TOM1L2: variants seen among roughly 807,000 people sequenced by gnomAD.
The protein encoded by TOM1L2 is target of myb1 like 2 membrane trafficking protein.
A neutral mutation model predicts 67.9 loss-of-function variants in TOM1L2; 31 were observed. The observed-to-expected ratio is 0.46, with a 90% CI of 0.34 to 0.62. TOM1L2 has a LOEUF of 0.62. Ranked by LOEUF, TOM1L2 falls within the 20% of genes least tolerant of loss-of-function variation. The probability of loss-of-function intolerance (pLI) is 0.01; values close to 1 mark genes in which losing one functional copy is unlikely to be tolerated. For missense variants in TOM1L2, 606 were observed against 663.5 expected (o/e 0.91, Z 0.95); for synonymous variants, 256 against 254.0 (o/e 1.01, Z -0.07).
At chr17:17,885,220 C>T (rs1315802697) in intron 4 of TOM1L2, among the ~76,000 whole-genome samples, 6 of 152,200 alleles carry the variant, frequency 3.9e-5, no homozygotes, top group South Asian at 2.1e-4. Context: ...AGTTGGGAAC[C>T]GGCAACAAAT....
At chr17:17,879,021 G>T (rs887312891) in intron 7 of TOM1L2, among the ~76,000 whole-genome samples, 36 of 152,196 alleles carry the variant, frequency 2.4e-4, no homozygotes, top group African/African-American at 8.4e-4. Context: ...CAGATCCATG[G>T]GCTGTCCAGA....
intron 4 of TOM1L2, among the ~76,000 whole-genome samples, chr17:17,893,440 A>C (rs2038393750): frequency 6.6e-6 from 1 of 152,256 alleles, no homozygotes; most frequent in Non-Finnish European, 1.5e-5. Context: ...GATGGCACCC[A>C]GAAAGCTTCA....
chr17:17,909,500 C>A (rs1483808250), intron 1 of TOM1L2, among the ~76,000 whole-genome samples: 1 of 140,632 alleles, frequency 7.1e-6, no homozygotes, highest in East Asian at 2.2e-4. Flanking sequence ...TTCACCAAGA[C>A]AAATACTAGA....
intron 12 of TOM1L2, 33 bp from the exon 13 acceptor site, chr17:17,850,985 C>T (rs746882159): frequency 4.3e-6 from 7 of 1,612,240 alleles, no homozygotes; most frequent in Non-Finnish European, 4.2e-6. Context: ...GCCAGGCAGC[C>T]CCCACACAGC....
intron 8 of TOM1L2, chr17:17,868,917 A>G (rs1273699580): frequency 6.1e-6 from 1 of 164,346 alleles, no homozygotes; most frequent in African/African-American, 2.4e-5. Context: ...CTTTTTTTTT[A>G]AGATGGGAAA....
intron 7 of TOM1L2, among the ~76,000 whole-genome samples, chr17:17,872,991 G>A (rs1398331447): frequency 6.6e-6 from 1 of 152,186 alleles, no homozygotes; most frequent in Admixed American, 6.5e-5. Flanking sequence ...AGAAGACTGG[G>A]GTATCAGCAC....
intron 5 of TOM1L2, among the ~76,000 whole-genome samples, chr17:17,883,245 A>G (rs553429875): frequency 6.6e-6 from 1 of 152,258 alleles, no homozygotes; most frequent in African/African-American, 2.4e-5. Context: ...ACTTGGTACC[A>G]TAAGAATTAC....
intron 1 of TOM1L2, among the ~76,000 whole-genome samples, chr17:17,963,991 G>A (rs572912279): frequency 5.9e-5 from 9 of 152,306 alleles, no homozygotes; most frequent in African/African-American, 1.9e-4. Flanking sequence ...GATATGGATA[G>A]CAAGCACTGT....
At chr17:17,889,849 C>T (rs1261176563) in intron 4 of TOM1L2, among the ~76,000 whole-genome samples, 3 of 152,200 alleles carry the variant, frequency 2.0e-5, no homozygotes, top group African/African-American at 4.8e-5. Flanking sequence ...CAGGACTGAC[C>T]CTGTCCCACT....
intron 1 of TOM1L2, among the ~76,000 whole-genome samples, chr17:17,970,310 C>T (rs957526430): frequency 5.3e-5 from 8 of 152,100 alleles, no homozygotes; most frequent in African/African-American, 4.8e-5. Flanking sequence ...GTGATCCGCC[C>T]GCCTCAACCT....
Position 17,919,662 on chromosome 17 carries a change from C to T in TOM1L2, c.53-12131G>A, listed in dbSNP as rs180882891. On this transcript the variant is annotated intron_variant, in intron 1 of 14. Coordinates refer to ENST00000379504, the MANE Select transcript of TOM1L2 (RefSeq NM_001082968.2). ...GTGGGGCATGGGGGAGGAGGGGCCA[C>T]GGTGTTGTTGCAAGTTCCCTATGGG... Among the ~76,000 whole-genome samples, 469 of 152,304 alleles carry T rather than the reference C, an allele frequency of 3.1e-3. 1 individual carries two copies. Among genetic ancestry groups the T allele is most frequent in the African/African-American group, 0.01 (435 of 41,546 alleles).
intron 2 of TOM1L2, among the ~76,000 whole-genome samples, chr17:17,904,368 A>G (rs1346531224): frequency 2.0e-5 from 3 of 152,196 alleles, no homozygotes; most frequent in Non-Finnish European, 2.9e-5. Context: ...GAGATATTTG[A>G]GCAATTCACT....
Position 17,856,357 on chromosome 17 carries a change from C to T in TOM1L2, c.1278+5119G>A, listed in dbSNP as rs114053937. On this transcript the variant is annotated intron_variant, in intron 12 of 14. Coordinates refer to ENST00000379504, the MANE Select transcript of TOM1L2 (RefSeq NM_001082968.2). ...GTCTAGTGGAGGAACTGCCTTCTCA[C>T]GCAGAGCAGCAGTATGCTGCTACTA... is the stretch of plus-strand genomic sequence containing the variant. Among the ~76,000 whole-genome samples the T allele has an allele frequency of 7.0e-3, 1,060 of 152,378 alleles. 15 individuals carry two copies. Among genetic ancestry groups the T allele is most frequent in the African/African-American group, 0.024 (978 of 41,592 alleles).
intron 1 of TOM1L2, among the ~76,000 whole-genome samples, chr17:17,962,560 C>T (rs1020388808): frequency 2.5e-4 from 38 of 152,058 alleles, no homozygotes; most frequent in Non-Finnish European, 2.4e-4. Flanking sequence ...GCAATCCACC[C>T]GCCTCGGCCT....
In TOM1L2 at chr17:17,866,383, G is replaced by C; in HGVS notation, c.997C>G (p.Leu333Val). The C allele has an allele frequency of 6.2e-7, 1 of 1,606,640 alleles. No individual in the cohort carries two copies. Residue 333 changes from leucine to valine, a missense_variant, in exon 10 of 15, where the codon CTG becomes GTG. Physicochemically the swap from Leu to Val is conservative, Grantham distance 32 (BLOSUM62 1). Coordinates refer to ENST00000379504, the MANE Select transcript of TOM1L2 (RefSeq NM_001082968.2). ...NEVTEDNLID[L>V]GPGSPAVVSP... ...ACCACGGCTGGAGACCCTGGCCCCAGGTCTATTAAGTTGTCTTCGGTTACT... is the reference window on the plus strand; with the variant it reads ...ACCACGGCTGGAGACCCTGGCCCCACGTCTATTAAGTTGTCTTCGGTTACT...
chr17:17,848,102 G>T (rs1014008237), intron 14 of TOM1L2, among the ~76,000 whole-genome samples: 10 of 152,002 alleles, frequency 6.6e-5, no homozygotes, highest in Non-Finnish European at 1.3e-4. Context: ...AAGCTGGAGG[G>T]GCCAGCTTCT....
intron 6 of TOM1L2, among the ~76,000 whole-genome samples, chr17:17,880,710 C>T (rs1019704587): frequency 6.6e-6 from 1 of 152,216 alleles, no homozygotes; most frequent in Non-Finnish European, 1.5e-5. Context: ...CTCTCTGAGC[C>T]TTCGTTTCCT....
Position 17,972,391 on chromosome 17 carries a change from C to A in TOM1L2, c.-78G>T, listed in dbSNP as rs923913074. The A allele has an allele frequency of 1.3e-6, 2 of 1,535,204 alleles. No homozygotes were observed. ...CCGCTGTAACCCGCCGGACTCCCGT[C>A]CTGACTGACACTTGCCCCCTCCCCA... On this transcript the variant is annotated 5_prime_UTR_variant, in exon 1 of 15. Transcript: ENST00000379504.
At position 17,919,864 on chromosome 17, in the gene TOM1L2, C is replaced by A. The variant is rs185765198; in HGVS notation, c.53-12333G>T. On this transcript the variant is annotated intron_variant, in intron 1 of 14. Transcript: ENST00000379504. ...TCATTTAACCCTACCATCCCACGCC[C>A]CAGCCGCCAGGAAGGTTCTCTCTCT... 4.6e-5 allele frequency among the ~76,000 whole-genome samples: 7 copies of A among 152,312 alleles called. No homozygotes were observed. The East Asian group carries it at 1.2e-3, about 25-fold the overall frequency.
Sources: gnomAD v4.1 joint callset for allele counts (sites outside exome capture counted in the v4.1 genomes callset) on GRCh38, gnomAD v4.1.1 for gene constraint, MANE v1.5 for transcripts, NCBI Gene and HGNC (gene_info 2026-07-23, HGNC 2026-07-21) for gene names.